Variants in RALGAPA2 observed in about 807,000 individuals in gnomAD.
The protein encoded by RALGAPA2 is Ral GTPase activating protein catalytic subunit alpha 2.
A neutral mutation model predicts 230.4 loss-of-function variants in RALGAPA2; 139 were observed. The ratio of observed to expected loss-of-function variants is 0.60; its 90% CI spans 0.53 to 0.69. The LOEUF (loss-of-function observed/expected upper bound fraction) is 0.69, where lower values mean the gene tolerates loss of function less well. Among genes scored for constraint, RALGAPA2 ranks in the 30% least tolerant of loss-of-function variants. The pLI is 0.00. For synonymous variants in RALGAPA2, 847 were observed against 837.8 expected, an observed-to-expected ratio of 1.01 and a Z score of -0.19; for missense variants, 2,163 against 2,276.0, an observed-to-expected ratio of 0.95 and a Z score of 1.01.
chr20:20,494,789 T>C (rs775205926), intron 36 of RALGAPA2, among the ~76,000 whole-genome samples: 1 of 152,156 alleles, frequency 6.6e-6, no homozygotes, highest in African/African-American at 2.4e-5. Flanking sequence ...TTATTATTAA[T>C]CAACATAACC....
At chr20:20,595,087 A>AT (rs2065411976) in intron 16 of RALGAPA2, among the ~76,000 whole-genome samples, 1 of 152,056 alleles carries the variant, frequency 6.6e-6, no homozygotes, top group South Asian at 2.1e-4. Flanking sequence ...ACTTAATTTC[A>AT]TTTTTTTCCA....
intron 38 of RALGAPA2, among the ~76,000 whole-genome samples, chr20:20,399,335 C>T (rs1308229726): frequency 8.4e-6 from 1 of 118,512 alleles, no homozygotes; most frequent in Non-Finnish European, 1.8e-5. Flanking sequence ...TAGAGCGAAA[C>T]TCCGTCTCAA....
At chr20:20,629,678 ACT>A (rs2066608089) in intron 9 of RALGAPA2, 88 bp from the exon 10 acceptor site, 1 of 1,353,536 alleles carries the variant, frequency 7.4e-7, no homozygotes, top group East Asian at 2.3e-5. Flanking sequence ...GTTTTAAGTA[ACT>A]CTGGTTACCA....
Position 20,512,708 on chromosome 20 carries a change from T to C in RALGAPA2, c.4661A>G (p.Tyr1554Cys), listed in dbSNP as rs1381307513. 1.2e-6 allele frequency: 2 copies of C among 1,613,862 alleles called. No individual in the cohort carries two copies. The highest frequency in any genetic ancestry group is 1.7e-5 in the Admixed American group (1 of 60,000). The change falls in exon 32 of 40, where the codon TAT (tyrosine) becomes TGT (cysteine). Residue 1554 changes from tyrosine to cysteine, a missense_variant. Coordinates refer to ENST00000202677, the MANE Select transcript of RALGAPA2 (RefSeq NM_020343.4). The part of the protein sequence containing the change: ...EPSLTPCGMN[Y>C]DQEKEIIEVI... ...CTCAATGATTTCCTTCTCTTGGTCA[T>C]AGTTCATGCCACATGGGGTTAGGGA...
intron 36 of RALGAPA2, among the ~76,000 whole-genome samples, chr20:20,492,145 A>C (rs747215175): frequency 1.3e-5 from 2 of 152,204 alleles, no homozygotes; most frequent in Non-Finnish European, 1.5e-5. Context: ...CGAGTGAATG[A>C]AAGTACAATT....
chr20:20,706,495 C>T (rs969217934), intron 1 of RALGAPA2, among the ~76,000 whole-genome samples: 19 of 152,190 alleles, frequency 1.2e-4, no homozygotes, highest in Admixed American at 3.9e-4. Context: ...TTAATGTCCA[C>T]GCAAATATTT....
In RALGAPA2 at chr20:20,712,248, A is replaced by C; in HGVS notation, c.106+127T>G. On this transcript the variant is annotated intron_variant, in intron 1 of 39. Transcript: ENST00000202677. The surrounding 1 kb of genome is among the most constrained non-coding windows in gnomAD (Gnocchi z 5.5). ...GGGGGTCCAAGCCCAGATCCAGGGAAGGGGGTCGGACGCCCACCCATCCCC... is the reference window on the plus strand; with the variant it reads ...GGGGGTCCAAGCCCAGATCCAGGGACGGGGGTCGGACGCCCACCCATCCCC... The C allele has an allele frequency of 5.6e-6, 5 of 890,864 alleles. No homozygotes were observed. The highest frequency in any genetic ancestry group is 8.1e-6 in the Non-Finnish European group (5 of 614,024). The allele number at this position is 890,864 out of a possible 1,614,324, so 55.2% of individuals were successfully genotyped here. A position where few individuals can be genotyped will look rare whatever the true frequency, so the allele number is the denominator to read the frequency against.
chr20:20,488,747 C>G (rs1002105044), intron 36 of RALGAPA2, among the ~76,000 whole-genome samples: 1 of 151,618 alleles, frequency 6.6e-6, no homozygotes, highest in African/African-American at 2.4e-5. Flanking sequence ...TTTGAAATAC[C>G]CATTGCTATA....
chr20:20,548,125 CCACACACA>C (rs58279852), intron 23 of RALGAPA2, among the ~76,000 whole-genome samples: 1 of 148,004 alleles, frequency 6.8e-6, no homozygotes, highest in Non-Finnish European at 1.5e-5. Flanking sequence ...AGCAAAATCT[CCACACACA>C]CACACACACA....
chr20:20,471,414 A>ATTTTTTTTT (rs34179853), intron 37 of RALGAPA2: 2 of 125,514 alleles, frequency 1.6e-5, no homozygotes, highest in African/African-American at 3.0e-5. Flanking sequence ...GTAAAATAAG[A>ATTTTTTTTT]TTTTTTTTTT....
In RALGAPA2 at chr20:20,495,185, C is replaced by T; in HGVS notation, c.5299G>A (p.Asp1767Asn). Reference sequence around the variant, plus strand: ...ATTGGGTAAATAATGATTGAAACATCTCCAAAGGCAGTTGGGATAATACCC... The same window carrying T: ...ATTGGGTAAATAATGATTGAAACATTTCCAAAGGCAGTTGGGATAATACCC... ...RRGIIPTAFGDVSIIIYPMKN... is the reference protein window; with the variant it reads ...RRGIIPTAFGNVSIIIYPMKN... The change falls in exon 36 of 40, where the codon GAT (aspartate) becomes AAT (asparagine). Residue 1767 changes from aspartate to asparagine, a missense_variant. Transcript: ENST00000202677. 1 of 1,612,006 alleles carries T rather than the reference C, an allele frequency of 6.2e-7. No homozygotes were observed. Among genetic ancestry groups the T allele is most frequent in the Non-Finnish European group, 8.5e-7 (1 of 1,178,320 alleles).
intron 23 of RALGAPA2, among the ~76,000 whole-genome samples, chr20:20,564,871 C>T (rs2064364503): frequency 6.6e-6 from 1 of 152,166 alleles, no homozygotes; most frequent in African/African-American, 2.4e-5. Flanking sequence ...TTCTTAGAAA[C>T]CTTAGGAATA....
chr20:20,580,945 T>C (rs989103562), intron 20 of RALGAPA2, among the ~76,000 whole-genome samples: 1 of 152,324 alleles, frequency 6.6e-6, no homozygotes, highest in East Asian at 1.9e-4. Context: ...CAGGCTCATA[T>C]GAGTTTTATT....
At chr20:20,695,605 C>G (rs1339620671) in intron 1 of RALGAPA2, among the ~76,000 whole-genome samples, 1 of 152,168 alleles carries the variant, frequency 6.6e-6, no homozygotes, top group Non-Finnish European at 1.5e-5. Flanking sequence ...CTGGTTTATG[C>G]TCAGAAATGA....
At chr20:20,557,678 T>C (rs1050113255) in intron 23 of RALGAPA2, among the ~76,000 whole-genome samples, 2 of 152,200 alleles carry the variant, frequency 1.3e-5, no homozygotes, top group Non-Finnish European at 2.9e-5. Context: ...GCACCCTATG[T>C]TACCCCAGAA....
intron 27 of RALGAPA2, among the ~76,000 whole-genome samples, chr20:20,531,356 C>T (rs1421401044): frequency 6.6e-6 from 1 of 152,216 alleles, no homozygotes; most frequent in Non-Finnish European, 1.5e-5. Context: ...TCTCCCAGGC[C>T]TGCTGAAGAG....
intron 34 of RALGAPA2, among the ~76,000 whole-genome samples, chr20:20,504,744 G>GA (rs1170015446): frequency 1.3e-5 from 2 of 150,956 alleles, no homozygotes; most frequent in Admixed American, 1.3e-4. Flanking sequence ...AAAAAAAAAA[G>GA]AAAAAAAGAA....
intron 20 of RALGAPA2, among the ~76,000 whole-genome samples, chr20:20,576,373 T>A (rs941490040): frequency 6.6e-6 from 1 of 152,176 alleles, no homozygotes; most frequent in Non-Finnish European, 1.5e-5. Flanking sequence ...TCCTTTTGAC[T>A]GTGAGTTTTC....
intron 10 of RALGAPA2, among the ~76,000 whole-genome samples, chr20:20,622,264 A>G (rs2066347654): frequency 6.6e-6 from 1 of 152,152 alleles, no homozygotes; most frequent in African/African-American, 2.4e-5. Flanking sequence ...GGAGATGCAG[A>G]AAAAAACAGG....
Sources: gnomAD v4.1 joint callset for allele counts (sites outside exome capture counted in the v4.1 genomes callset) on GRCh38, gnomAD v4.1.1 for gene constraint, Gnocchi (gnomAD v3.1) non-coding constraint, MANE v1.5 for transcripts, NCBI Gene and HGNC (gene_info 2026-07-23, HGNC 2026-07-21) for gene names.